The following RPS6KC1 variants were observed in gnomAD, a reference collection of about 807,000 sequenced individuals.
RPS6KC1 encodes the protein inactive ribosomal protein S6 kinase delta-1.
A neutral mutation model predicts 103.8 loss-of-function variants in RPS6KC1; 54 were observed. The observed-to-expected ratio is 0.52, with a 90% CI of 0.42 to 0.65. The LOEUF is 0.65. Ranked by LOEUF, RPS6KC1 falls within the 30% of genes least tolerant of loss-of-function variation. The probability of loss-of-function intolerance (pLI) is 0.00; values close to 1 mark genes in which losing one functional copy is unlikely to be tolerated. For synonymous variants in RPS6KC1, 439 were observed against 438.7 expected, an observed-to-expected ratio of 1.00 and a Z score of -0.01; for missense variants, 1,151 against 1,253.8, an observed-to-expected ratio of 0.92 and a Z score of 1.24.
the RPS6KC1 span, among the ~76,000 whole-genome samples, chr1:213,753,854 T>TA: frequency 1.3e-5 from 2 of 152,212 alleles, no homozygotes; most frequent in Non-Finnish European, 2.9e-5. Flanking sequence ...CTTTAACACT[T>TA]ACATCACATG....
the RPS6KC1 span, among the ~76,000 whole-genome samples, chr1:213,652,527 C>T: frequency 6.6e-6 from 1 of 152,198 alleles, no homozygotes; most frequent in Non-Finnish European, 1.5e-5. Context: ...GCTTTCTCAC[C>T]TCTTGAATCT....
At chr1:213,695,196 A>G in the RPS6KC1 span, among the ~76,000 whole-genome samples, 2 of 152,204 alleles carry the variant, frequency 1.3e-5, no homozygotes, top group Non-Finnish European at 1.5e-5. Flanking sequence ...ATGAACCTTG[A>G]AAGATGAGTA....
chr1:213,078,124 T>A (rs1358452041), intron 3 of RPS6KC1, among the ~76,000 whole-genome samples: 2 of 152,058 alleles, frequency 1.3e-5, no homozygotes, highest in South Asian at 2.1e-4. Flanking sequence ...TTTCTTTTTT[T>A]AAATTAAGTC....
chr1:213,280,090 T>G, the RPS6KC1 span, among the ~76,000 whole-genome samples: 1 of 152,168 alleles, frequency 6.6e-6, no homozygotes, highest in Non-Finnish European at 1.5e-5. Context: ...TTTATCATAT[T>G]TCCTAGGAAG....
At chr1:213,053,229 C>T (rs190571497) in intron 1 of RPS6KC1, among the ~76,000 whole-genome samples, 179 of 152,306 alleles carry the variant, frequency 1.2e-3, no homozygotes, top group African/African-American at 3.2e-3. Flanking sequence ...ATGTTTCTCT[C>T]ACAGCATCCT....
chr1:213,118,021 C>CAAAAAAAAAAAAAA (rs59318173), intron 5 of RPS6KC1, among the ~76,000 whole-genome samples: 1,798 of 33,946 alleles, frequency 0.053, 446 homozygotes, highest in African/African-American at 0.089. Flanking sequence ...GACTTTGTCT[C>CAAAAAAAAAAAAAA]AAAAAAAAAA....
At chr1:213,284,072 A>G in the RPS6KC1 span, among the ~76,000 whole-genome samples, 2 of 152,222 alleles carry the variant, frequency 1.3e-5, no homozygotes, top group Admixed American at 1.3e-4. Flanking sequence ...AGTAAAACTA[A>G]TAATTACAAA....
the RPS6KC1 span, among the ~76,000 whole-genome samples, chr1:213,327,444 C>T: frequency 6.6e-6 from 1 of 152,214 alleles, no homozygotes; most frequent in African/African-American, 2.4e-5. Context: ...TGGCATGTGC[C>T]TCCAGCCATG....
At chr1:213,592,261 T>C in the RPS6KC1 span, among the ~76,000 whole-genome samples, 1 of 152,206 alleles carries the variant, frequency 6.6e-6, no homozygotes, top group African/African-American at 2.4e-5. Flanking sequence ...TAGCTGCTTT[T>C]TTTGTCAAAG....
the RPS6KC1 span, among the ~76,000 whole-genome samples, chr1:213,783,637 G>A: frequency 2.7e-5 from 4 of 149,174 alleles, no homozygotes; most frequent in South Asian, 4.4e-4. Flanking sequence ...TACTGTTGTC[G>A]TCTTATCAAG....
At chr1:213,462,724 G>A in the RPS6KC1 span, among the ~76,000 whole-genome samples, 1 of 152,174 alleles carries the variant, frequency 6.6e-6, no homozygotes, top group Non-Finnish European at 1.5e-5. Context: ...CACAGGGAGG[G>A]GTACACCACA....
chr1:213,692,070 A>C, the RPS6KC1 span, among the ~76,000 whole-genome samples: 10 of 152,230 alleles, frequency 6.6e-5, no homozygotes, highest in Non-Finnish European at 1.3e-4. Flanking sequence ...AGAAGGAGAG[A>C]CTGAGGCAAA....
At chr1:213,781,538 T>C in the RPS6KC1 span, among the ~76,000 whole-genome samples, 2 of 152,128 alleles carry the variant, frequency 1.3e-5, no homozygotes, top group Non-Finnish European at 2.9e-5. Flanking sequence ...TTTAGCCTCA[T>C]TTTTTTCCAC....
At chr1:213,252,257 G>C (rs2094558827) in intron 12 of RPS6KC1, among the ~76,000 whole-genome samples, 2 of 152,178 alleles carry the variant, frequency 1.3e-5, no homozygotes, top group Non-Finnish European at 2.9e-5. Context: ...AAGATTGTCT[G>C]TGTAGGAACA....
chr1:213,649,890 C>A, the RPS6KC1 span, among the ~76,000 whole-genome samples: 1 of 152,162 alleles, frequency 6.6e-6, no homozygotes, highest in Non-Finnish European at 1.5e-5. Flanking sequence ...TTGTGATGGT[C>A]CTTGTAACAG....
chr1:213,262,092 T>C (rs1478254135), intron 13 of RPS6KC1, among the ~76,000 whole-genome samples: 1 of 152,216 alleles, frequency 6.6e-6, no homozygotes, highest in African/African-American at 2.4e-5. Context: ...CTATCTGTTC[T>C]AGCTTAAGGA....
At chr1:213,113,531 T>A (rs2083254783) in intron 4 of RPS6KC1, among the ~76,000 whole-genome samples, 2 of 150,894 alleles carry the variant, frequency 1.3e-5, no homozygotes, top group Admixed American at 1.3e-4. Context: ...CTGATGGTAG[T>A]TTCTTTTGCT....
At chr1:213,541,882 A>C in the RPS6KC1 span, among the ~76,000 whole-genome samples, 948 of 152,296 alleles carry the variant, frequency 6.2e-3, 15 homozygotes, top group African/African-American at 0.022. Flanking sequence ...AGGCTAAGCA[A>C]AATTTGCCAG....
intron 1 of RPS6KC1, among the ~76,000 whole-genome samples, chr1:213,061,775 T>G (rs1048631130): frequency 6.6e-6 from 1 of 152,182 alleles, no homozygotes; most frequent in Middle Eastern, 3.2e-3. Flanking sequence ...TTCTGCATAT[T>G]ATTCCTGTCC....
Sources: allele counts gnomAD v4.1 joint callset (sites outside exome capture counted in the v4.1 genomes callset), GRCh38; gene constraint gnomAD v4.1.1; transcripts MANE v1.5; gene names NCBI Gene and HGNC (gene_info 2026-07-23, HGNC 2026-07-21).